CCDC175: variants seen among roughly 807,000 people sequenced by gnomAD.
The protein encoded by CCDC175 is coiled-coil domain containing 175, also known as coiled-coil domain-containing protein 175.
In CCDC175, 100 loss-of-function variants were observed where a neutral mutation model predicts 114.6. The ratio of observed to expected loss-of-function variants is 0.87; its 90% CI spans 0.74 to 1.03. The LOEUF (loss-of-function observed/expected upper bound fraction) is 1.03. Among genes scored for constraint, CCDC175 ranks in the 50% least tolerant of loss-of-function variants. CCDC175 has a pLI of 0.00. For missense variants in CCDC175, 880 were observed against 917.8 expected, an observed-to-expected ratio of 0.96 and a Z score of 0.53; for synonymous variants, 306 against 308.7, an observed-to-expected ratio of 0.99 and a Z score of 0.09.
At chr14:59,553,204 C>T (rs1190889918) in intron 7 of CCDC175, among the ~76,000 whole-genome samples, 1 of 152,152 alleles carries the variant, frequency 6.6e-6, no homozygotes, top group Non-Finnish European at 1.5e-5. Context: ...ATGTTAAGGG[C>T]AGCCAGAGAG....
intron 17 of CCDC175, among the ~76,000 whole-genome samples, chr14:59,517,901 C>T (rs1181944346): frequency 3.9e-5 from 6 of 152,118 alleles, no homozygotes; most frequent in African/African-American, 9.7e-5. Flanking sequence ...GGAGGCATCA[C>T]GCTACCTGAC....
At chr14:59,508,831 C>T (rs1390362303) in intron 19 of CCDC175, among the ~76,000 whole-genome samples, 1 of 152,066 alleles carries the variant, frequency 6.6e-6, no homozygotes, top group Non-Finnish European at 1.5e-5. Flanking sequence ...GCCAAACCTG[C>T]CAGTGCCTTG....
intron 5 of CCDC175, 36 bp downstream of exon 5, chr14:59,565,011 A>G (rs1360789376): frequency 3.7e-6 from 5 of 1,367,818 alleles, no homozygotes; most frequent in Non-Finnish European, 5.0e-6. Flanking sequence ...GATTCTATAC[A>G]TTATTGTATT....
chr14:59,569,273 C>T (rs896305417), intron 3 of CCDC175, among the ~76,000 whole-genome samples: 15 of 152,148 alleles, frequency 9.9e-5, no homozygotes, highest in African/African-American at 3.6e-4. Context: ...TTGCAGCAGG[C>T]TTTCTCAAAC....
chr14:59,568,433 A>G, intron 3 of CCDC175, 53 bp from the exon 4 acceptor site: 2 of 1,371,504 alleles, frequency 1.5e-6, no homozygotes, highest in Non-Finnish European at 1.9e-6. Flanking sequence ...GCACAACTGT[A>G]GATACTGACT....
chr14:59,559,779 C>T (rs1380077004), intron 7 of CCDC175, among the ~76,000 whole-genome samples: 1 of 152,120 alleles, frequency 6.6e-6, no homozygotes, highest in African/African-American at 2.4e-5. Context: ...CTTGTATCCT[C>T]AACCACCACA....
chr14:59,533,113 G>A (rs1894164349), intron 13 of CCDC175, among the ~76,000 whole-genome samples: 1 of 152,194 alleles, frequency 6.6e-6, no homozygotes, highest in Non-Finnish European at 1.5e-5. Flanking sequence ...AGATGCAAGA[G>A]AGACAGAGAG....
At chr14:59,570,943 A>G (rs772200565) in intron 3 of CCDC175, among the ~76,000 whole-genome samples, 2 of 151,944 alleles carry the variant, frequency 1.3e-5, no homozygotes, top group African/African-American at 4.8e-5. Context: ...GGGTTTCACT[A>G]TGTTGGCCAG....
At chr14:59,576,010 C>T (rs1051398465) in intron 1 of CCDC175, among the ~76,000 whole-genome samples, 8 of 152,122 alleles carry the variant, frequency 5.3e-5, no homozygotes, top group African/African-American at 1.9e-4. Flanking sequence ...GGTTTTTGCA[C>T]CGAACAAGAA....
intron 15 of CCDC175, 126 bp from the exon 16 acceptor site, chr14:59,525,560 G>T: frequency 3.1e-6 from 2 of 636,074 alleles, no homozygotes; most frequent in South Asian, 2.5e-5. Context: ...GCAGAGGATA[G>T]ATATTCTTCC....
At chr14:59,540,624 C>T (rs1405300801) in intron 11 of CCDC175, 51 bp downstream of exon 11, 5 of 1,488,406 alleles carry the variant, frequency 3.4e-6, no homozygotes, top group Non-Finnish European at 4.5e-6. Flanking sequence ...ACATATACTG[C>T]TGATAACACA....
At chr14:59,513,071 T>C (rs1345936499) in intron 17 of CCDC175, among the ~76,000 whole-genome samples, 1 of 152,146 alleles carries the variant, frequency 6.6e-6, no homozygotes, top group Non-Finnish European at 1.5e-5. Context: ...GGTAATACAA[T>C]GGCAAAAGCA....
intron 6 of CCDC175, 41 bp from the exon 7 acceptor site, chr14:59,561,269 C>T: frequency 9.4e-7 from 1 of 1,066,766 alleles, no homozygotes; most frequent in South Asian, 1.4e-5. Flanking sequence ...CAATCATCAC[C>T]AAGTGATTCA....
chr14:59,544,660 C>T (rs1160692033), intron 9 of CCDC175, among the ~76,000 whole-genome samples: 1 of 152,066 alleles, frequency 6.6e-6, no homozygotes, highest in Non-Finnish European at 1.5e-5. Context: ...ACAGGCATTG[C>T]TTTTTTCATG....
chr14:59,560,572 G>C (rs1896174245), intron 7 of CCDC175, among the ~76,000 whole-genome samples: 1 of 152,176 alleles, frequency 6.6e-6, no homozygotes. Context: ...ACCAAGAAGA[G>C]AATACTGTGT....
At chr14:59,538,893 A>C in intron 11 of CCDC175, 53 bp from the exon 12 acceptor site, 1 of 1,471,540 alleles carries the variant, frequency 6.8e-7, no homozygotes, top group South Asian at 1.3e-5. Flanking sequence ...CAGTTTACTA[A>C]AAAGATGAAG....
intron 13 of CCDC175, among the ~76,000 whole-genome samples, chr14:59,536,099 C>A (rs1196440002): frequency 6.6e-6 from 1 of 152,142 alleles, no homozygotes; most frequent in Admixed American, 6.5e-5. Context: ...CCCTAATATA[C>A]CTTATCACTC....
In CCDC175 at chr14:59,541,488, A is replaced by C. The variant is rs536884935; in HGVS notation, c.1284-742T>G. 1.1e-4 allele frequency among the ~76,000 whole-genome samples: 17 copies of C among 152,350 alleles called. No homozygotes were observed. The South Asian group carries it at 2.3e-3, about 20-fold the overall frequency. ...TGCTGCTTTATATCTTTTGAAAGAA[A>C]TATTCACAAATGAAACTTAGAATAG... On this transcript the variant is annotated intron_variant, in intron 10 of 19. Coordinates refer to ENST00000537690, the MANE Select transcript of CCDC175 (RefSeq NM_001164399.2).
At chr14:59,553,796 A>C (rs1174416393) in intron 7 of CCDC175, among the ~76,000 whole-genome samples, 2 of 152,222 alleles carry the variant, frequency 1.3e-5, no homozygotes, top group Non-Finnish European at 1.5e-5. Flanking sequence ...AAAACAAAAA[A>C]AAGGCAGGGG....
Sources: allele counts gnomAD v4.1 joint callset (sites outside exome capture counted in the v4.1 genomes callset), GRCh38; gene constraint gnomAD v4.1.1; transcripts MANE v1.5; gene names NCBI Gene and HGNC (gene_info 2026-07-23, HGNC 2026-07-21).